The following AGBL4 variants were observed in gnomAD, a reference collection of about 807,000 sequenced individuals.
AGBL4 encodes AGBL carboxypeptidase 4.
Under a neutral mutation model 66.4 loss-of-function variants are expected in AGBL4, and 58 were observed. That is an observed-to-expected ratio of 0.87 (90% CI 0.71 to 1.09). The LOEUF (loss-of-function observed/expected upper bound fraction) is 1.09, where lower values mean the gene tolerates loss of function less well. AGBL4 is among the 50% of genes least tolerant of loss of function. The pLI, the probability that AGBL4 is intolerant of heterozygous loss-of-function variation, is 0.00. For synonymous variants in AGBL4, 234 were observed against 222.9 expected, an observed-to-expected ratio of 1.05 and a Z score of -0.44; for missense variants, 579 against 631.0, an observed-to-expected ratio of 0.92 and a Z score of 0.88.
intron 3 of AGBL4, among the ~76,000 whole-genome samples, chr1:49,381,146 C>T (rs1368114579): frequency 1.3e-5 from 2 of 151,884 alleles, no homozygotes; most frequent in African/African-American, 2.4e-5. Flanking sequence ...AACAAATTTA[C>T]AAGAAAAAAA....
chr1:49,011,601 A>G (rs1662419812), intron 5 of AGBL4, among the ~76,000 whole-genome samples: 1 of 152,134 alleles, frequency 6.6e-6, no homozygotes, highest in Non-Finnish European at 1.5e-5. Flanking sequence ...TTGCGGCACT[A>G]TTCACAATAG....
chr1:49,527,002 T>C (rs983551201), intron 3 of AGBL4, among the ~76,000 whole-genome samples: 1 of 152,186 alleles, frequency 6.6e-6, no homozygotes, highest in Non-Finnish European at 1.5e-5. Context: ...AGGTTGATGA[T>C]ACTGTACTTA....
intron 3 of AGBL4, among the ~76,000 whole-genome samples, chr1:49,546,174 A>G (rs1025425679): frequency 7.9e-5 from 12 of 152,008 alleles, no homozygotes; most frequent in African/African-American, 2.9e-4. Flanking sequence ...ATAGTCTCCA[A>G]TCTCATCTAA....
chr1:49,614,518 ACATAT>A (rs2124256092), intron 3 of AGBL4, among the ~76,000 whole-genome samples: 1 of 152,332 alleles, frequency 6.6e-6, no homozygotes, highest in Non-Finnish European at 1.5e-5. Context: ...AAAATATTTT[ACATAT>A]CTTTGGAGAA....
intron 4 of AGBL4, among the ~76,000 whole-genome samples, chr1:49,189,700 T>C (rs529936709): frequency 5.3e-5 from 8 of 152,286 alleles, no homozygotes; most frequent in African/African-American, 1.9e-4. Flanking sequence ...CACTGTCAAC[T>C]AAAAAGCACT....
intron 5 of AGBL4, among the ~76,000 whole-genome samples, chr1:48,965,889 GT>G (rs1042715057): frequency 1.3e-5 from 2 of 152,072 alleles, no homozygotes; most frequent in African/African-American, 4.8e-5. Context: ...TTTCCTATTA[GT>G]TGTGATCTCT....
intron 3 of AGBL4, among the ~76,000 whole-genome samples, chr1:49,266,501 A>G (rs1222461030): frequency 1.3e-5 from 2 of 152,070 alleles, no homozygotes; most frequent in African/African-American, 2.4e-5. Flanking sequence ...CATAATTTTA[A>G]TATTTATTAA....
chr1:48,847,978 C>G (rs192151671), intron 6 of AGBL4, among the ~76,000 whole-genome samples: 1 of 152,176 alleles, frequency 6.6e-6, no homozygotes, highest in Non-Finnish European at 1.5e-5. Context: ...TTGGCATTGT[C>G]TCATCAGAAG....
At chr1:48,758,923 A>C in intron 6 of AGBL4, 2 of 1,542,172 alleles carry the variant, frequency 1.3e-6, no homozygotes, top group Non-Finnish European at 8.7e-7. Context: ...CAGGAGCAGC[A>C]CGTCCTGGAG....
chr1:49,982,491 C>A (rs574947129), intron 1 of AGBL4, among the ~76,000 whole-genome samples: 1 of 152,206 alleles, frequency 6.6e-6, no homozygotes, highest in Admixed American at 6.5e-5. Context: ...GGCCTACAGG[C>A]GCCCCCTCAG....
intron 5 of AGBL4, among the ~76,000 whole-genome samples, chr1:48,994,832 T>C (rs776431198): frequency 6.6e-6 from 1 of 152,202 alleles, no homozygotes; most frequent in Non-Finnish European, 1.5e-5. Flanking sequence ...TTCTGTAGTA[T>C]ATATTTCCTA....
chr1:49,718,451 A>C (rs1026368852), intron 2 of AGBL4, among the ~76,000 whole-genome samples: 1 of 152,118 alleles, frequency 6.6e-6, no homozygotes, highest in Admixed American at 6.6e-5. Flanking sequence ...TAAATTGCCC[A>C]ATCTCATATA....
intron 2 of AGBL4, among the ~76,000 whole-genome samples, chr1:49,720,933 T>C (rs1648556066): frequency 6.6e-6 from 1 of 152,114 alleles, no homozygotes; most frequent in African/African-American, 2.4e-5. Context: ...AGAAAGATCA[T>C]CATGTGACAG....
chr1:49,152,986 T>C (rs1474791925), intron 4 of AGBL4, among the ~76,000 whole-genome samples: 2 of 151,912 alleles, frequency 1.3e-5, no homozygotes, highest in East Asian at 1.9e-4. Flanking sequence ...AGAGGTCCAT[T>C]GACAGGAATG....
intron 4 of AGBL4, among the ~76,000 whole-genome samples, chr1:49,179,499 A>G (rs965822507): frequency 6.6e-6 from 1 of 152,016 alleles, no homozygotes; most frequent in Non-Finnish European, 1.5e-5. Flanking sequence ...CCTTGAACAT[A>G]GAAGATACTT....
At chr1:48,846,154 T>C (rs2148802093) in intron 6 of AGBL4, among the ~76,000 whole-genome samples, 1 of 152,152 alleles carries the variant, frequency 6.6e-6, no homozygotes, top group South Asian at 2.1e-4. Flanking sequence ...CCAAAACACA[T>C]CATTTAGACT....
intron 6 of AGBL4, among the ~76,000 whole-genome samples, chr1:48,764,052 G>A (rs1644409657): frequency 6.6e-6 from 1 of 152,142 alleles, no homozygotes; most frequent in African/African-American, 2.4e-5. Flanking sequence ...TGGCCCGGGG[G>A]ACACAGATGA....
At chr1:49,273,693 T>C (rs1021210296) in intron 3 of AGBL4, among the ~76,000 whole-genome samples, 2 of 152,054 alleles carry the variant, frequency 1.3e-5, no homozygotes, top group Middle Eastern at 3.2e-3. Context: ...TTTTTATTTT[T>C]CGAGATGGAG....
chr1:48,903,133 A>C (rs955138320), intron 5 of AGBL4, among the ~76,000 whole-genome samples: 2 of 152,216 alleles, frequency 1.3e-5, no homozygotes, highest in East Asian at 1.9e-4. Flanking sequence ...TCCTTTTATC[A>C]GAGCAAATAT....
Sources: allele counts gnomAD v4.1 joint callset (sites outside exome capture counted in the v4.1 genomes callset), GRCh38; gene constraint gnomAD v4.1.1; transcripts MANE v1.5; gene names NCBI Gene and HGNC (gene_info 2026-07-23, HGNC 2026-07-21).